The following COL18A1 variants were observed in gnomAD, a reference collection of about 807,000 sequenced individuals.
COL18A1 encodes the protein collagen type XVIII alpha 1 chain.
COL18A1 carries 133 observed loss-of-function variants against 168.0 expected under a neutral mutation model. The ratio of observed to expected loss-of-function variants is 0.79; its 90% CI spans 0.69 to 0.91. The LOEUF (loss-of-function observed/expected upper bound fraction) is 0.91. COL18A1 is among the 40% of genes least tolerant of loss of function. COL18A1 has a pLI of 0.00. For synonymous variants in COL18A1, 949 were observed against 809.0 expected (o/e 1.17, Z -2.94); for missense variants, 2,126 against 1,925.4 (o/e 1.10, Z -1.95).
chr21:45,504,099 C>T (rs1051073776), intron 33 of COL18A1, 45 bp downstream of exon 33: 3 of 1,597,872 alleles, frequency 1.9e-6, no homozygotes, highest in Middle Eastern at 3.5e-4. Context: ...AGGTCCTGTA[C>T]ATCCCGCTGG....
At position 45,476,478 on chromosome 21, in the gene COL18A1, G is replaced by C. The variant is rs372726135; in HGVS notation, c.926G>C (p.Gly309Ala). The change falls in exon 6 of 42, where the codon GGA becomes GCA. Residue 309 changes from glycine (G) to alanine (A), a missense_variant and splice_region_variant. Coordinates refer to ENST00000651438, the MANE Select transcript of COL18A1 (RefSeq NM_001379500.1). ...VEEQTTVASL[G>A]AQTLPGSDSV... ...GAGCAGACCACGGTGGCTTCGTTAG[G>C]AGGTAAGCTCTTTTCTGGATGTGGT... is the stretch of plus-strand genomic sequence containing the variant. 21 of 1,603,512 alleles carry C rather than the reference G, an allele frequency of 1.3e-5. No individual in the cohort carries two copies. The African/African-American group carries it at 2.4e-4, about 18-fold the overall frequency.
chr21:45,441,073 C>T (rs1388900234), intron 2 of COL18A1, among the ~76,000 whole-genome samples: 1 of 152,230 alleles, frequency 6.6e-6, no homozygotes, highest in Non-Finnish European at 1.5e-5. Context: ...CCGCTCCAAG[C>T]TCTGCCCACC....
At chr21:45,436,702 AGGGGACTGCTGGTGGG>A (rs960331894) in intron 2 of COL18A1, among the ~76,000 whole-genome samples, 1 of 145,820 alleles carries the variant, frequency 6.9e-6, no homozygotes, top group Non-Finnish European at 1.5e-5. Flanking sequence ...GAGGCTGCTC[AGGGGACTGCTGGTGGG>A]GGGCCCTAGA....
intron 2 of COL18A1, among the ~76,000 whole-genome samples, chr21:45,436,607 G>A (rs1045092268): frequency 6.6e-6 from 1 of 152,004 alleles, no homozygotes; most frequent in Non-Finnish European, 1.5e-5. Context: ...ACTGGATGGC[G>A]GGAAAGTGCC....
At chr21:45,407,355 C>G (rs2033147871) in intron 2 of COL18A1, 1 of 152,260 alleles carries the variant, frequency 6.6e-6, no homozygotes, top group Non-Finnish European at 1.5e-5. Flanking sequence ...TTCCATGTCT[C>G]TGTGCTACAC....
intron 14 of COL18A1, chr21:45,482,431 C>A: frequency 1.7e-6 from 1 of 578,462 alleles, no homozygotes; most frequent in East Asian, 3.3e-5. Flanking sequence ...AGCATGACCT[C>A]AGATGAGAGC....
chr21:45,406,414 C>T (rs747184922), intron 2 of COL18A1, among the ~76,000 whole-genome samples: 1 of 152,254 alleles, frequency 6.6e-6, no homozygotes, highest in Non-Finnish European at 1.5e-5. Flanking sequence ...TCATTGTTTC[C>T]AATCGACTTA....
chr21:45,490,763 G>A, intron 20 of COL18A1, 73 bp from the exon 21 acceptor site: 2 of 1,466,562 alleles, frequency 1.4e-6, no homozygotes, highest in Non-Finnish European at 1.9e-6. Context: ...ATCTTCATCA[G>A]AGCCATCCCT....
At chr21:45,510,507 C>T (rs1313470598) in intron 40 of COL18A1, among the ~76,000 whole-genome samples, 1 of 152,154 alleles carries the variant, frequency 6.6e-6, no homozygotes, top group African/African-American at 2.4e-5. Context: ...CCCGTGGCCC[C>T]CTGACCCCCC....
chr21:45,501,556 C>G (rs1189775071), intron 32 of COL18A1, among the ~76,000 whole-genome samples: 1 of 152,150 alleles, frequency 6.6e-6, no homozygotes, highest in Non-Finnish European at 1.5e-5. Flanking sequence ...GTCAGAAACC[C>G]CTGGGAGCTT....
intron 2 of COL18A1, among the ~76,000 whole-genome samples, chr21:45,435,312 T>TGGGGGGG (rs2034070814): frequency 5.2e-5 from 1 of 19,290 alleles, no homozygotes; most frequent in African/African-American, 2.3e-4. Context: ...GGGGTGGGGG[T>TGGGGGGG]GGGCGGAGGG....
rs1336400022 is a variant in COL18A1 at position 45,441,658 on chromosome 21, G to A, written c.107-26584G>A. ...CCGGCGCCTTCTACAGAACACGGCC[G>A]TGAGCTTCCCATGTTCTGCCGCTGG... On this transcript the variant is annotated intron_variant, in intron 2 of 41. Transcript: ENST00000651438. Among the ~76,000 whole-genome samples the A allele has an allele frequency of 2.0e-5, 3 of 152,216 alleles. No individual in the cohort carries two copies. The South Asian group carries it at 6.2e-4, about 32-fold the overall frequency.
chr21:45,441,213 C>T (rs534812271), intron 2 of COL18A1, among the ~76,000 whole-genome samples: 43 of 152,344 alleles, frequency 2.8e-4, no homozygotes, highest in Admixed American at 2.4e-3. Context: ...ACAGAGGCTG[C>T]TCCTGCGTGG....
chr21:45,475,622 G>A lies in COL18A1; in HGVS notation c.798+87G>A, dbSNP rs147697266. The A allele has an allele frequency of 1.3e-3, 1,574 of 1,171,512 alleles. 2 individuals carry two copies. The highest frequency in any genetic ancestry group is 1.8e-3 in the Middle Eastern group (7 of 3,960). The allele number at this position is 1,171,512 out of a possible 1,614,324, so 72.6% of individuals were successfully genotyped here. ...TGGGGTGACACATGTGCACACGCAG[G>A]TGTGGCTCCAAGAGCTCCCTCTATG... On this transcript the variant is annotated intron_variant, in intron 5 of 41. Coordinates refer to ENST00000651438, the MANE Select transcript of COL18A1 (RefSeq NM_001379500.1).
At chr21:45,486,643 C>T (rs2036123657) in intron 15 of COL18A1, among the ~76,000 whole-genome samples, 1 of 152,254 alleles carries the variant, frequency 6.6e-6, no homozygotes. Flanking sequence ...CAAGTTCGGG[C>T]TCCGTGGCTC....
rs1311160876 is a variant in COL18A1, at chr21:45,512,504, A to C, written c.*106A>C. On this transcript the variant is annotated 3_prime_UTR_variant, in exon 42 of 42. Transcript: ENST00000651438. Reference sequence around the variant, plus strand: ...CCCCTGGCCCCAGGACCTGGCTGCCATACTTTCCTGTATAGTTCACGTTTC... The same window carrying C: ...CCCCTGGCCCCAGGACCTGGCTGCCCTACTTTCCTGTATAGTTCACGTTTC... 10 of 1,009,974 alleles carry C rather than the reference A, an allele frequency of 9.9e-6. No individual in the cohort carries two copies. The highest frequency in any genetic ancestry group is 1.4e-5 in the South Asian group (1 of 73,090). 62.6% of individuals were successfully genotyped at this position (1,009,974 alleles called of 1,614,324 possible).
At chr21:45,489,872 CACACCTCCTCCCCG>C (rs1215632128) in intron 19 of COL18A1, among the ~76,000 whole-genome samples, 6 of 67,772 alleles carry the variant, frequency 8.9e-5, no homozygotes, top group Non-Finnish European at 1.4e-4. Flanking sequence ...GCCCCTCCCC[CACACCTCCTCCCCG>C]ACTTCCCCCT....
intron 2 of COL18A1, chr21:45,456,057 G>C (rs568717643): frequency 1.2e-6 from 2 of 1,606,512 alleles, no homozygotes; most frequent in Non-Finnish European, 8.5e-7. Flanking sequence ...GGCATTCCTA[G>C]CTCTCCGGGC....
At chr21:45,462,884 C>T (rs980894068) in intron 2 of COL18A1, among the ~76,000 whole-genome samples, 4 of 152,150 alleles carry the variant, frequency 2.6e-5, no homozygotes, top group African/African-American at 4.8e-5. Flanking sequence ...CCTTCACCAG[C>T]GTTCGCTTTT....
Sources: allele counts gnomAD v4.1 joint callset (sites outside exome capture counted in the v4.1 genomes callset), GRCh38; gene constraint gnomAD v4.1.1; transcripts MANE v1.5; gene names NCBI Gene and HGNC (gene_info 2026-07-23, HGNC 2026-07-21).